RGS6: variants seen among roughly 807,000 people sequenced by gnomAD.
The protein encoded by RGS6 is regulator of G-protein signaling 6.
Under a neutral mutation model 78.5 loss-of-function variants are expected in RGS6, and 30 were observed. The observed-to-expected ratio is 0.38, with a 90% CI of 0.29 to 0.52. The LOEUF (loss-of-function observed/expected upper bound fraction) is 0.52, where lower values mean the gene tolerates loss of function less well. Ranked by LOEUF, RGS6 falls within the 20% of genes least tolerant of loss-of-function variation. RGS6 has a pLI of 0.85. For synonymous variants in RGS6, 206 were observed against 206.0 expected, an observed-to-expected ratio of 1.00 and a Z score of 0.00; for missense variants, 495 against 609.7, an observed-to-expected ratio of 0.81 and a Z score of 1.98.
intron 2 of RGS6, among the ~76,000 whole-genome samples, chr14:72,156,836 C>G (rs1170113361): frequency 6.6e-6 from 1 of 152,180 alleles, no homozygotes; most frequent in Non-Finnish European, 1.5e-5. Flanking sequence ...GACAGCCAGG[C>G]TGACTCCAGA....
At chr14:72,262,267 C>A (rs911160316) in intron 2 of RGS6, among the ~76,000 whole-genome samples, 2 of 152,198 alleles carry the variant, frequency 1.3e-5, no homozygotes, top group Non-Finnish European at 2.9e-5. Context: ...AAGCAAGTAC[C>A]ACAGACTGGG....
At chr14:72,398,944 C>T (rs913358219) in intron 3 of RGS6, among the ~76,000 whole-genome samples, 2 of 151,914 alleles carry the variant, frequency 1.3e-5, no homozygotes, top group African/African-American at 4.8e-5. Context: ...TATTCTTTTA[C>T]ATTTGCTGAG....
At chr14:71,906,730 G>A in the RGS6 span, among the ~76,000 whole-genome samples, 1 of 104,712 alleles carries the variant, frequency 9.6e-6, no homozygotes, top group South Asian at 3.3e-4. Context: ...AAGAAATTGA[G>A]AAGCAATATG....
chr14:72,375,054 T>C (rs545282503), intron 3 of RGS6, among the ~76,000 whole-genome samples: 1 of 152,146 alleles, frequency 6.6e-6, no homozygotes, highest in Non-Finnish European at 1.5e-5. Flanking sequence ...ATAAAAGTAC[T>C]CAGAATGTAT....
chr14:72,027,216 T>TG (rs59008832), intron 2 of RGS6, among the ~76,000 whole-genome samples: 5,404 of 150,454 alleles, frequency 0.036, 141 homozygotes, highest in African/African-American at 0.074. Context: ...TCCTCTGCTT[T>TG]AAGAGAGAGA....
Position 72,465,880 on chromosome 14 carries a change from C to T in RGS6, c.459+58C>T, listed in dbSNP as rs2095897375. The T allele has an allele frequency of 5.8e-6, 8 of 1,374,840 alleles. No individual in the cohort carries two copies. The South Asian group carries it at 8.3e-5, about 14-fold the overall frequency. The allele number at this position is 1,374,840 out of a possible 1,614,324, so 85.2% of individuals were successfully genotyped here. A position where few individuals can be genotyped will look rare whatever the true frequency, so the allele number is the denominator to read the frequency against. Reference sequence around the variant, plus strand: ...GAAGAGAGTAAAATCATATCTGCAGCTCCGTCTAAGTTTATTTTTTTTTTC... The same window carrying T: ...GAAGAGAGTAAAATCATATCTGCAGTTCCGTCTAAGTTTATTTTTTTTTTC... On this transcript the variant is annotated intron_variant, in intron 7 of 17. Transcript: ENST00000553525.
chr14:71,904,149 C>T, the RGS6 span, among the ~76,000 whole-genome samples: 1 of 152,164 alleles, frequency 6.6e-6, no homozygotes. Context: ...CGTCTATTTC[C>T]TCTTTTTCTG....
At chr14:72,052,987 C>CTTTCTTTCTTTCTTTCTTTCTTTCTT (rs1567106192) in intron 2 of RGS6, among the ~76,000 whole-genome samples, 3 of 54,170 alleles carry the variant, frequency 5.5e-5, no homozygotes, top group Non-Finnish European at 1.0e-4. Context: ...CTTTCTTTCT[C>CTTTCTTTCTTTCTTTCTTTCTTTCTT]TCTCTCTCTC....
At chr14:72,406,936 C>A (rs567657075) in intron 3 of RGS6, among the ~76,000 whole-genome samples, 1 of 152,272 alleles carries the variant, frequency 6.6e-6, no homozygotes, top group East Asian at 1.9e-4. Flanking sequence ...TCAGGTTGGT[C>A]CACATTGTCC....
chr14:72,147,579 G>T (rs1200712075), intron 2 of RGS6, among the ~76,000 whole-genome samples: 2 of 152,206 alleles, frequency 1.3e-5, no homozygotes, highest in Non-Finnish European at 2.9e-5. Context: ...CAACACTGTT[G>T]CATGGGGATT....
At chr14:71,888,139 A>G in the RGS6 span, among the ~76,000 whole-genome samples, 5 of 152,320 alleles carry the variant, frequency 3.3e-5, no homozygotes, top group South Asian at 4.1e-4. Context: ...GGTTCCCCCA[A>G]TACTGAGGCA....
chr14:72,239,601 C>G (rs1345077382), intron 2 of RGS6, among the ~76,000 whole-genome samples: 1 of 152,178 alleles, frequency 6.6e-6, no homozygotes, highest in Non-Finnish European at 1.5e-5. Context: ...GAGCACCTCT[C>G]TTGACACCAG....
At chr14:72,587,096 A>T in the RGS6 span, among the ~76,000 whole-genome samples, 1 of 152,128 alleles carries the variant, frequency 6.6e-6, no homozygotes, top group African/African-American at 2.4e-5. Context: ...GTTTTCACCT[A>T]TACTTTGGGT....
intron 10 of RGS6, 64 bp from the exon 11 acceptor site, chr14:72,476,678 T>G (rs1341960170): frequency 1.5e-6 from 2 of 1,346,306 alleles, no homozygotes; most frequent in Admixed American, 3.6e-5. Context: ...TTGGACTAGC[T>G]GACCCCTAAG....
intron 2 of RGS6, among the ~76,000 whole-genome samples, chr14:72,169,066 A>G (rs2096971788): frequency 6.6e-6 from 1 of 152,240 alleles, no homozygotes; most frequent in Non-Finnish European, 1.5e-5. Context: ...CACAGAAAGT[A>G]AAATTGTTCT....
chr14:72,215,220 A>G (rs961083089), intron 2 of RGS6, among the ~76,000 whole-genome samples: 1 of 152,212 alleles, frequency 6.6e-6, no homozygotes, highest in African/African-American at 2.4e-5. Context: ...CAAATGTGTA[A>G]AAACTCATTC....
Position 72,316,896 on chromosome 14 carries a change from A to AGTGTGTGTGTGTGTGT in RGS6, c.85-35174_85-35159dup, listed in dbSNP as rs71109731. 3.7e-4 allele frequency among the ~76,000 whole-genome samples: 52 copies of AGTGTGTGTGTGTGTGT among 141,924 alleles called. 1 individual carries two copies. Among genetic ancestry groups the AGTGTGTGTGTGTGTGT allele is most frequent in the African/African-American group, 1.2e-3 (44 of 37,692 alleles). 93.1% of individuals were successfully genotyped at this position (141,924 alleles called of 152,430 possible). ...GGTATAGAGAATTGAAAGCAGGTGA[A>AGTGTGTGTGTGTGTGT]GTGTGTGTGTGTGTGTGTGTGTGTG... On this transcript the variant is annotated intron_variant, in intron 2 of 17. Coordinates refer to ENST00000553525, the MANE Select transcript of RGS6 (RefSeq NM_001204424.2).
At chr14:72,341,904 C>CT (rs367783159) in intron 2 of RGS6, among the ~76,000 whole-genome samples, 3,525 of 128,944 alleles carry the variant, frequency 0.027, 62 homozygotes, top group African/African-American at 0.065. Context: ...AGGACAAGGC[C>CT]TTATGTTCCC....
intron 2 of RGS6, among the ~76,000 whole-genome samples, chr14:72,273,336 A>G (rs937212243): frequency 6.6e-6 from 1 of 151,930 alleles, no homozygotes; most frequent in African/African-American, 2.4e-5. Context: ...TTTTTCTTTA[A>G]TCAAAGAATT....
Sources: gnomAD v4.1 joint callset for allele counts (sites outside exome capture counted in the v4.1 genomes callset) on GRCh38, gnomAD v4.1.1 for gene constraint, MANE v1.5 for transcripts, NCBI Gene and HGNC (gene_info 2026-07-23, HGNC 2026-07-21) for gene names.